The following RABGAP1L variants were observed in gnomAD, a reference collection of about 807,000 sequenced individuals.
RABGAP1L encodes the protein rab GTPase-activating protein 1-like.
In RABGAP1L, 63 loss-of-function variants were observed where a neutral mutation model predicts 137.7. The observed-to-expected ratio is 0.46, with a 90% CI of 0.37 to 0.56. The LOEUF is 0.56. Among genes scored for constraint, RABGAP1L ranks in the 20% least tolerant of loss-of-function variants. The probability of loss-of-function intolerance (pLI) is 0.00; values close to 1 mark genes in which losing one functional copy is unlikely to be tolerated. For synonymous variants in RABGAP1L, 431 were observed against 433.7 expected, an observed-to-expected ratio of 0.99 and a Z score of 0.08; for missense variants, 1,095 against 1,244.0, an observed-to-expected ratio of 0.88 and a Z score of 1.80.
chr1:174,785,802 C>G (rs551029418), intron 18 of RABGAP1L, among the ~76,000 whole-genome samples: 19 of 152,256 alleles, frequency 1.2e-4, no homozygotes, highest in African/African-American at 4.6e-4. Flanking sequence ...CTTTTAGGCC[C>G]CTTTGCCTTA....
chr1:174,619,592 G>C (rs889803716), intron 13 of RABGAP1L, among the ~76,000 whole-genome samples: 7 of 152,154 alleles, frequency 4.6e-5, no homozygotes, highest in African/African-American at 9.7e-5. Context: ...CAAATGCTGA[G>C]AGATTTTGTC....
chr1:174,626,023 A>G (rs1557920336), intron 13 of RABGAP1L, among the ~76,000 whole-genome samples: 1 of 152,236 alleles, frequency 6.6e-6, no homozygotes, highest in African/African-American at 2.4e-5. Context: ...AACTTCGGAA[A>G]GTAACAGCAT....
chr1:174,910,539 A>G (rs756383718), intron 19 of RABGAP1L, among the ~76,000 whole-genome samples: 2 of 152,154 alleles, frequency 1.3e-5, no homozygotes, highest in Non-Finnish European at 2.9e-5. Flanking sequence ...TTTTCAACGT[A>G]ACAGTGGAAG....
At chr1:174,499,460 T>C (rs1236003908) in intron 13 of RABGAP1L, among the ~76,000 whole-genome samples, 1 of 152,208 alleles carries the variant, frequency 6.6e-6, no homozygotes, top group African/African-American at 2.4e-5. Flanking sequence ...TTCAATTTGA[T>C]GTTTACAAGT....
intron 13 of RABGAP1L, among the ~76,000 whole-genome samples, chr1:174,489,704 A>G (rs1660035212): frequency 1.3e-5 from 2 of 152,240 alleles, no homozygotes; most frequent in South Asian, 2.1e-4. Context: ...ATTATAAATC[A>G]TGCTGCTATC....
intron 19 of RABGAP1L, among the ~76,000 whole-genome samples, chr1:174,912,166 G>T (rs868311952): frequency 1.3e-5 from 2 of 152,026 alleles, no homozygotes; most frequent in Non-Finnish European, 2.9e-5. Flanking sequence ...TGGACACAGG[G>T]TCTCTCTCTG....
intron 13 of RABGAP1L, among the ~76,000 whole-genome samples, chr1:174,525,864 C>CT (rs1231241705): frequency 6.6e-6 from 1 of 152,022 alleles, no homozygotes; most frequent in Non-Finnish European, 1.5e-5. Context: ...TTTTGTCACA[C>CT]TTTTTTCTGC....
At chr1:174,693,731 A>C (rs1679042639) in intron 15 of RABGAP1L, among the ~76,000 whole-genome samples, 1 of 152,268 alleles carries the variant, frequency 6.6e-6, no homozygotes, top group Non-Finnish European at 1.5e-5. Context: ...TAGTGAAAAA[A>C]ATAAACATGG....
At chr1:174,878,232 C>A (rs931635949) in intron 19 of RABGAP1L, among the ~76,000 whole-genome samples, 1 of 151,908 alleles carries the variant, frequency 6.6e-6, no homozygotes, top group Non-Finnish European at 1.5e-5. Context: ...CCTCTGAAAC[C>A]AACTTTTTTT....
chr1:174,546,018 A>G (rs1665979892), intron 13 of RABGAP1L: 1 of 152,230 alleles, frequency 6.6e-6, no homozygotes, highest in South Asian at 2.1e-4. Flanking sequence ...CATAAAGAAA[A>G]AAAGAATCTT....
intron 20 of RABGAP1L, among the ~76,000 whole-genome samples, chr1:174,967,106 T>A (rs577671347): frequency 6.6e-6 from 1 of 151,842 alleles, no homozygotes; most frequent in African/African-American, 2.4e-5. Flanking sequence ...TTATTGGGGT[T>A]TTTTTCCCCC....
At chr1:174,700,986 T>TGA in intron 16 of RABGAP1L, 1 of 1,137,410 alleles carries the variant, frequency 8.8e-7, no homozygotes, top group Non-Finnish European at 1.1e-6. Context: ...GTTAACTGAA[T>TGA]GAGCATTTGG....
At chr1:174,714,800 A>T (rs1680867475) in intron 17 of RABGAP1L, among the ~76,000 whole-genome samples, 1 of 151,914 alleles carries the variant, frequency 6.6e-6, no homozygotes, top group African/African-American at 2.4e-5. Flanking sequence ...TTCCTGACCT[A>T]CCTCTTTGTA....
chr1:174,167,198 C>T (rs1664983195), intron 1 of RABGAP1L, among the ~76,000 whole-genome samples: 2 of 151,224 alleles, frequency 1.3e-5, no homozygotes, highest in Non-Finnish European at 3.0e-5. Context: ...CACAGTGTTT[C>T]TGTTAAAGTT....
At chr1:174,957,414 A>G (rs1342355636) in intron 19 of RABGAP1L, 43 bp from the exon 20 acceptor site, 2 of 1,498,358 alleles carry the variant, frequency 1.3e-6, no homozygotes, top group South Asian at 2.3e-5. Context: ...TTTTTTCATA[A>G]ATGGTGTCCT....
At chr1:174,873,350 T>C (rs1652509533) in intron 19 of RABGAP1L, among the ~76,000 whole-genome samples, 4 of 151,972 alleles carry the variant, frequency 2.6e-5, no homozygotes, top group Non-Finnish European at 5.9e-5. Context: ...ATTACAGGCA[T>C]GAGCCACCGT....
chr1:174,695,754 G>A (rs879659287), intron 15 of RABGAP1L, among the ~76,000 whole-genome samples: 1 of 152,180 alleles, frequency 6.6e-6, no homozygotes, highest in Non-Finnish European at 1.5e-5. Flanking sequence ...TTCTTGAGAA[G>A]GCTTTCCAAA....
At chr1:174,919,167 C>T (rs1661402248) in intron 19 of RABGAP1L, among the ~76,000 whole-genome samples, 1 of 152,090 alleles carries the variant, frequency 6.6e-6, no homozygotes, top group Admixed American at 6.6e-5. Flanking sequence ...TACAGACATG[C>T]GCCGCCATGT....
intron 17 of RABGAP1L, among the ~76,000 whole-genome samples, chr1:174,703,122 A>AT (rs1553237176): frequency 7.2e-5 from 11 of 151,980 alleles, no homozygotes; most frequent in Non-Finnish European, 8.8e-5. Context: ...TTTAAAAAAA[A>AT]TTTTTTTTGT....
Sources: allele counts gnomAD v4.1 joint callset (sites outside exome capture counted in the v4.1 genomes callset), GRCh38; gene constraint gnomAD v4.1.1; transcripts MANE v1.5; gene names NCBI Gene and HGNC (gene_info 2026-07-23, HGNC 2026-07-21).